Variants in NCOA2 observed in about 807,000 individuals in gnomAD.
The protein encoded by NCOA2 is class E basic helix-loop-helix protein 75.
A neutral mutation model predicts 145.1 loss-of-function variants in NCOA2; 21 were observed. The observed-to-expected ratio is 0.14, with a 90% CI of 0.10 to 0.21. NCOA2 has a LOEUF of 0.21. NCOA2 is among the 10% of genes least tolerant of loss of function. NCOA2 has a pLI of 1.00. For missense variants in NCOA2, 1,472 were observed against 1,837.6 expected (o/e 0.80, Z 3.64); for synonymous variants, 619 against 637.5 (o/e 0.97, Z 0.44).
chr8:70,217,254 A>C (rs73684226), intron 2 of NCOA2, among the ~76,000 whole-genome samples: 3,452 of 152,314 alleles, frequency 0.023, 129 homozygotes, highest in African/African-American at 0.079. Context: ...GAAGGTTTTC[A>C]AATTTAACTA....
intron 2 of NCOA2, among the ~76,000 whole-genome samples, chr8:70,234,020 C>T (rs1821380628): frequency 6.6e-6 from 1 of 152,112 alleles, no homozygotes; most frequent in African/African-American, 2.4e-5. Flanking sequence ...AATCCCCATT[C>T]TCTCCTCTCC....
At chr8:70,239,159 A>G (rs74663651) in intron 2 of NCOA2, among the ~76,000 whole-genome samples, 4,874 of 152,196 alleles carry the variant, frequency 0.032, 254 homozygotes, top group African/African-American at 0.11. Flanking sequence ...AACTGCCTTG[A>G]GTTTACCTGG....
the NCOA2 span, among the ~76,000 whole-genome samples, chr8:70,413,952 A>C: frequency 6.6e-6 from 1 of 152,248 alleles, no homozygotes; most frequent in South Asian, 2.1e-4. Context: ...ATTAATGTCC[A>C]AGCTCTTAAA....
At chr8:70,244,541 G>C (rs746308233) in intron 2 of NCOA2, among the ~76,000 whole-genome samples, 1 of 151,852 alleles carries the variant, frequency 6.6e-6, no homozygotes, top group Non-Finnish European at 1.5e-5. Context: ...AAAAATAAAA[G>C]CTGTACTTAT....
chr8:70,138,159 G>A (rs773876245), intron 15 of NCOA2, 44 bp downstream of exon 15: 13 of 1,575,268 alleles, frequency 8.3e-6, no homozygotes, highest in Non-Finnish European at 1.1e-5. Context: ...TTAATTTCTG[G>A]ACAGGTATAA....
chr8:70,122,982 G>A (rs1280843772), intron 21 of NCOA2, among the ~76,000 whole-genome samples: 1 of 152,186 alleles, frequency 6.6e-6, no homozygotes, highest in Admixed American at 6.5e-5. Context: ...AGGATCAGTG[G>A]TAGAGTGGTC....
chr8:70,426,698 G>T, the NCOA2 span, among the ~76,000 whole-genome samples: 3 of 152,212 alleles, frequency 2.0e-5, no homozygotes, highest in African/African-American at 4.8e-5. Flanking sequence ...CTTGTTCTGT[G>T]CCCGGCATGT....
intron 1 of NCOA2, among the ~76,000 whole-genome samples, chr8:70,310,120 C>T (rs1404107027): frequency 6.6e-6 from 1 of 151,852 alleles, no homozygotes; most frequent in Non-Finnish European, 1.5e-5. Flanking sequence ...TGCTTGAGGC[C>T]GGGAGTTCGA....
rs1372525952 is a variant in NCOA2 at position 70,402,601 on chromosome 8, A to AGGGGCCCGAGAGGGCCGGGTCCC, written c.-77+1076_-77+1098dup. 10 of 149,714 alleles carry AGGGGCCCGAGAGGGCCGGGTCCC rather than the reference A, an allele frequency of 6.7e-5. No homozygotes were observed. The South Asian group carries it at 8.5e-4, about 13-fold the overall frequency. 9.3% of individuals were successfully genotyped at this position (149,714 alleles called of 1,614,324 possible). A position where few individuals can be genotyped will look rare whatever the true frequency, so the allele number is the denominator to read the frequency against. ...CCGGCCCCCTCCCCCAGCACCCCCC[A>AGGGGCCCGAGAGGGCCGGGTCCC]GGGGCCCGAGAGGGCCGGGTCCCCG... On this transcript the variant is annotated intron_variant, in intron 1 of 22. Coordinates refer to ENST00000452400, the MANE Select transcript of NCOA2 (RefSeq NM_006540.4).
At chr8:70,290,424 G>A (rs1200782884) in intron 2 of NCOA2, among the ~76,000 whole-genome samples, 4 of 151,988 alleles carry the variant, frequency 2.6e-5, no homozygotes, top group African/African-American at 9.7e-5. Context: ...TCCTAACCTC[G>A]TGATCCGCCT....
intron 1 of NCOA2, among the ~76,000 whole-genome samples, chr8:70,343,840 A>G (rs1048658600): frequency 1.3e-5 from 2 of 152,000 alleles, no homozygotes; most frequent in Non-Finnish European, 2.9e-5. Flanking sequence ...AGAGAAGACA[A>G]TTGAACATGA....
chr8:70,157,488 T>C (rs913005708), intron 10 of NCOA2, among the ~76,000 whole-genome samples: 2 of 152,188 alleles, frequency 1.3e-5, no homozygotes, highest in Admixed American at 6.5e-5. Context: ...TGTGTTTAAA[T>C]TTGACTACTA....
At chr8:70,456,205 C>T in the NCOA2 span, among the ~76,000 whole-genome samples, 3 of 151,992 alleles carry the variant, frequency 2.0e-5, no homozygotes, top group South Asian at 2.1e-4. Flanking sequence ...GGGATTTGGG[C>T]GAGATATGCT....
At chr8:70,199,919 T>G (rs1196807463) in intron 4 of NCOA2, among the ~76,000 whole-genome samples, 1 of 152,180 alleles carries the variant, frequency 6.6e-6, no homozygotes, top group African/African-American at 2.4e-5. Context: ...ATCCATGGGT[T>G]CTGCATTGGT....
At chr8:70,172,174 T>C (rs1455552412) in intron 5 of NCOA2, among the ~76,000 whole-genome samples, 1 of 151,854 alleles carries the variant, frequency 6.6e-6, no homozygotes, top group African/African-American at 2.4e-5. Flanking sequence ...CCCAGGCTGG[T>C]CTCAAACTCT....
chr8:70,380,375 G>T (rs1235381411), intron 1 of NCOA2, among the ~76,000 whole-genome samples: 1 of 151,918 alleles, frequency 6.6e-6, no homozygotes, highest in Non-Finnish European at 1.5e-5. Flanking sequence ...CTCCTCACTC[G>T]CACAGTGCCA....
At chr8:70,323,440 G>A (rs1806268121) in intron 1 of NCOA2, among the ~76,000 whole-genome samples, 1 of 152,124 alleles carries the variant, frequency 6.6e-6, no homozygotes, top group African/African-American at 2.4e-5. Context: ...AACACAGGAT[G>A]AAACATAAGT....
At chr8:70,157,983 A>G (rs532449969) in intron 10 of NCOA2, among the ~76,000 whole-genome samples, 15 of 152,246 alleles carry the variant, frequency 9.9e-5, no homozygotes, top group Non-Finnish European at 4.4e-5. Context: ...CTTTCTGAGC[A>G]AGATGATTTT....
At chr8:70,392,875 T>G (rs1399365235) in intron 1 of NCOA2, among the ~76,000 whole-genome samples, 1 of 152,242 alleles carries the variant, frequency 6.6e-6, no homozygotes, top group African/African-American at 2.4e-5. Flanking sequence ...TTCTTTATTG[T>G]TTCTGATTTG....
Sources: allele counts gnomAD v4.1 joint callset (sites outside exome capture counted in the v4.1 genomes callset), GRCh38; gene constraint gnomAD v4.1.1; transcripts MANE v1.5; gene names NCBI Gene and HGNC (gene_info 2026-07-23, HGNC 2026-07-21).